The following PTPRS variants were observed in gnomAD, a reference collection of about 807,000 sequenced individuals.
PTPRS encodes the protein receptor-type tyrosine-protein phosphatase S.
PTPRS carries 63 observed loss-of-function variants against 215.3 expected under a neutral mutation model. That is an observed-to-expected ratio of 0.29 (90% confidence interval 0.24 to 0.36). The LOEUF (loss-of-function observed/expected upper bound fraction) is 0.36, where lower values mean the gene tolerates loss of function less well. Among genes scored for constraint, PTPRS ranks in the 10% least tolerant of loss-of-function variants. The pLI is 1.00. For synonymous variants in PTPRS, 1,404 were observed against 1,191.4 expected, an observed-to-expected ratio of 1.18 and a Z score of -3.68; for missense variants, 2,258 against 2,825.8, an observed-to-expected ratio of 0.80 and a Z score of 4.56.
At chr19:5,228,998 G>A (rs1403650723) in intron 16 of PTPRS, among the ~76,000 whole-genome samples, 1 of 152,228 alleles carries the variant, frequency 6.6e-6, no homozygotes, top group Admixed American at 6.5e-5. Flanking sequence ...GGCAGGAGAA[G>A]GACCCAGGAG....
At chr19:5,253,347 G>A (rs1049425800) in intron 9 of PTPRS, among the ~76,000 whole-genome samples, 4 of 152,182 alleles carry the variant, frequency 2.6e-5, no homozygotes, top group African/African-American at 9.7e-5. Flanking sequence ...ATAAATAAGA[G>A]TGAGATTAGG....
At chr19:5,262,820 G>A (rs2046107134) in intron 6 of PTPRS, 144 bp downstream of exon 6, 1 of 865,010 alleles carries the variant, frequency 1.2e-6, no homozygotes, top group East Asian at 2.7e-5. Context: ...GGGGAGGAGG[G>A]AGAGGGCGTT....
chr19:5,289,620 G>A (rs1415226602), intron 1 of PTPRS, among the ~76,000 whole-genome samples: 1 of 152,088 alleles, frequency 6.6e-6, no homozygotes, highest in African/African-American at 2.4e-5. Context: ...CCAGCCGCAT[G>A]GGCCTCCTTG....
At chr19:5,300,701 G>A (rs1201933264) in intron 1 of PTPRS, among the ~76,000 whole-genome samples, 1 of 143,058 alleles carries the variant, frequency 7.0e-6, no homozygotes, top group East Asian at 2.0e-4. Flanking sequence ...CCAAGAGGCA[G>A]AGGTTGCAGT....
chr19:5,221,134 G>A lies in PTPRS; in HGVS notation c.3321C>T (p.Gly1107=), dbSNP rs61729761. The A allele has an allele frequency of 5.5e-4, 891 of 1,614,028 alleles. No individual in the cohort carries two copies. Among genetic ancestry groups the A allele is most frequent in the East Asian group, 3.6e-3 (162 of 44,878 alleles). The part of the protein sequence containing the change: ...FVLTNRGSSL[G]GLQQTVTAWT... The stretch of plus-strand genomic sequence containing the variant: ...AGGCGGTGACCGTCTGCTGGAGGCC[G>A]CCCAGGCTGCTGCCGCGATTGGTCA... The change falls in exon 20 of 38, where the codon GGC becomes GGT. Residue 1107 remains glycine (G), a synonymous_variant. Coordinates refer to ENST00000262963, the MANE Select transcript of PTPRS (RefSeq NM_002850.4).
chr19:5,321,754 T>C (rs1316095304), intron 1 of PTPRS, among the ~76,000 whole-genome samples: 4 of 147,814 alleles, frequency 2.7e-5, no homozygotes, highest in Admixed American at 6.7e-5. Flanking sequence ...AGCGCCAAAA[T>C]TGTCTCCATT....
At position 5,298,831 on chromosome 19, in the gene PTPRS, C is replaced by T. The variant is rs567573053; in HGVS notation, c.-94-12597G>A. 3.3e-5 allele frequency among the ~76,000 whole-genome samples: 5 copies of T among 152,344 alleles called. No homozygotes were observed. In the East Asian group the frequency reaches 7.7e-4, roughly 24 times the overall value. On this transcript the variant is annotated intron_variant, in intron 1 of 37. Transcript: ENST00000262963. ...GCTGGATCCAGCAAAGCCATTCCTC[C>T]CATGTCTTCCCCAACTCTGCTGATA...
chr19:5,292,370 G>A (rs2048894457), intron 1 of PTPRS, among the ~76,000 whole-genome samples: 1 of 152,188 alleles, frequency 6.6e-6, no homozygotes, highest in East Asian at 1.9e-4. Context: ...CTTAAAGGGT[G>A]GGGGTGAGGC....
In PTPRS at chr19:5,221,074, G is replaced by A. The variant is rs113337498; in HGVS notation, c.3381C>T (p.Ser1127=). 1.6e-4 allele frequency: 253 copies of A among 1,613,908 alleles called. No individual in the cohort carries two copies. The highest frequency in any genetic ancestry group is 6.3e-4 in the Admixed American group (38 of 60,018). The change falls in exon 20 of 38, where the codon AGC becomes AGT. Residue 1127 remains serine, a synonymous_variant. Coordinates refer to ENST00000262963, the MANE Select transcript of PTPRS (RefSeq NM_002850.4). ...CGTCAGCATCAGGCTTGGGGGCGAC[G>A]CTGGGCTTGCCGTTGAGCAGGTTGA... ...TAFNLLNGKP[S]VAPKPDADGF...
At chr19:5,252,873 C>CAAAAAAAAAAAAAAAAA (rs769636796) in intron 9 of PTPRS, among the ~76,000 whole-genome samples, 1 of 45,702 alleles carries the variant, frequency 2.2e-5, no homozygotes, top group Admixed American at 2.4e-4. Context: ...AACTCCATCT[C>CAAAAAAAAAAAAAAAAA]AAAAAAAAAA....
rs1292174870 is a variant in PTPRS at position 5,287,545 on chromosome 19, C to A, written c.-94-1311G>T. ...AGGCCCAAGGATAAGATCTTTGTTGCCTAGTCAGGCTGGCACCCATGCCAG... is the reference window on the plus strand; with the variant it reads ...AGGCCCAAGGATAAGATCTTTGTTGACTAGTCAGGCTGGCACCCATGCCAG... On this transcript the variant is annotated intron_variant, in intron 1 of 37. Coordinates refer to ENST00000262963, the MANE Select transcript of PTPRS (RefSeq NM_002850.4). The surrounding 1 kb of genome is among the most constrained non-coding windows in gnomAD (Gnocchi z 4.8). 6.6e-6 allele frequency among the ~76,000 whole-genome samples: 1 copy of A among 152,146 alleles called. No homozygotes were observed. Among genetic ancestry groups the A allele is most frequent in the African/African-American group, 2.4e-5 (1 of 41,442 alleles).
intron 9 of PTPRS, among the ~76,000 whole-genome samples, chr19:5,253,766 T>C (rs1223022379): frequency 6.6e-6 from 1 of 152,176 alleles, no homozygotes; most frequent in Non-Finnish European, 1.5e-5. Flanking sequence ...GTGAAGTACA[T>C]AACAGGGAAA....
chr19:5,304,182 T>C (rs2049401636), intron 1 of PTPRS, among the ~76,000 whole-genome samples: 1 of 152,018 alleles, frequency 6.6e-6, no homozygotes, highest in African/African-American at 2.4e-5. Context: ...AGGCCAGGTC[T>C]TGGCCAGGCG....
rs1032916919 is a variant in PTPRS, at chr19:5,339,895, T to C, written c.-95+769A>G. ...GAGACTGGGGTGCTGGGCGTGCGCG[T>C]CTGCCTGCCAGAGCCCCTGGGGCTG... On this transcript the variant is annotated intron_variant, in intron 1 of 37. Transcript: ENST00000262963. The surrounding 1 kb of genome is among the most constrained non-coding windows in gnomAD (Gnocchi z 4.2). 6.6e-6 allele frequency among the ~76,000 whole-genome samples: 1 copy of C among 151,476 alleles called. No individual in the cohort carries two copies. The highest frequency in any genetic ancestry group is 1.5e-5 in the Non-Finnish European group (1 of 67,738).
intron 35 of PTPRS, 47 bp from the exon 36 acceptor site, chr19:5,208,438 TG>T: frequency 1.4e-6 from 2 of 1,450,886 alleles, no homozygotes; most frequent in Non-Finnish European, 1.8e-6. Context: ...GCAGCGGCCA[TG>T]GGGGTTTTTC....
intron 30 of PTPRS, among the ~76,000 whole-genome samples, chr19:5,213,100 G>A (rs935193350): frequency 9.9e-5 from 15 of 152,124 alleles, no homozygotes; most frequent in African/African-American, 3.4e-4. Context: ...ACCTCACCCG[G>A]GACTGTCGGC....
At chr19:5,268,320 T>A (rs1284941427) in intron 4 of PTPRS, among the ~76,000 whole-genome samples, 1 of 152,130 alleles carries the variant, frequency 6.6e-6, no homozygotes, top group African/African-American at 2.4e-5. Context: ...GAGCCAAAAA[T>A]ATTTACTTCC....
rs1010968750 is a variant in PTPRS, at chr19:5,237,874, C to T, written c.1849+1045G>A. 1.1e-4 allele frequency among the ~76,000 whole-genome samples: 16 copies of T among 151,984 alleles called. No individual in the cohort carries two copies. The highest frequency in any genetic ancestry group is 7.9e-4 in the Admixed American group (12 of 15,272). On this transcript the variant is annotated intron_variant, in intron 13 of 37. Coordinates refer to ENST00000262963, the MANE Select transcript of PTPRS (RefSeq NM_002850.4). The surrounding 1 kb of genome is among the most constrained non-coding windows in gnomAD (Gnocchi z 4.2). Reference sequence around the variant, plus strand: ...GGCGGGGGCAGGGGGGTTGTGTCTCCGAGGCGCCCCACCCCCCCGATCCCA... The same window carrying T: ...GGCGGGGGCAGGGGGGTTGTGTCTCTGAGGCGCCCCACCCCCCCGATCCCA...
At chr19:5,211,545 TGGGCTCCTTCTG>T (rs1297740539) in intron 33 of PTPRS, 33 bp downstream of exon 33, 1 of 1,572,808 alleles carries the variant, frequency 6.4e-7, no homozygotes, top group African/African-American at 1.3e-5. Flanking sequence ...AGAGTAGAGA[TGGGCTCCTTCTG>T]GGGCCCTGAG....
Sources: allele counts gnomAD v4.1 joint callset (sites outside exome capture counted in the v4.1 genomes callset), GRCh38; gene constraint gnomAD v4.1.1; non-coding constraint Gnocchi (gnomAD v3.1); transcripts MANE v1.5; gene names NCBI Gene and HGNC (gene_info 2026-07-23, HGNC 2026-07-21).